The following CBLB variants were observed in gnomAD, a reference collection of about 807,000 sequenced individuals.
CBLB encodes the protein Cbl proto-oncogene B.
CBLB carries 31 observed loss-of-function variants against 104.9 expected under a neutral mutation model. That is an observed-to-expected ratio of 0.30 (90% CI 0.22 to 0.40). The LOEUF (loss-of-function observed/expected upper bound fraction) is 0.40, where lower values mean the gene tolerates loss of function less well. Among genes scored for constraint, CBLB ranks in the 10% least tolerant of loss-of-function variants. The pLI is 1.00. For synonymous variants in CBLB, 440 were observed against 422.6 expected (o/e 1.04, Z -0.51); for missense variants, 1,062 against 1,214.6 (o/e 0.87, Z 1.87).
chr3:105,825,239 A>C (rs1234451336), intron 3 of CBLB, among the ~76,000 whole-genome samples: 1 of 152,176 alleles, frequency 6.6e-6, no homozygotes, highest in Non-Finnish European at 1.5e-5. Context: ...TCTTCAGCTA[A>C]TGCCATATCA....
chr3:105,674,691 T>C (rs2065412816), intron 17 of CBLB, among the ~76,000 whole-genome samples: 1 of 152,218 alleles, frequency 6.6e-6, no homozygotes, highest in Non-Finnish European at 1.5e-5. Context: ...TTTTGTAATA[T>C]GGAAAAAAGC....
At chr3:105,720,843 C>G (rs1261978428) in intron 9 of CBLB, among the ~76,000 whole-genome samples, 1 of 152,158 alleles carries the variant, frequency 6.6e-6, no homozygotes, top group African/African-American at 2.4e-5. Flanking sequence ...ACACACAGCT[C>G]AAATATAAAG....
intron 2 of CBLB, among the ~76,000 whole-genome samples, chr3:105,867,158 TA>T (rs2092472020): frequency 6.6e-6 from 1 of 152,100 alleles, no homozygotes; most frequent in Non-Finnish European, 1.5e-5. Context: ...CAGCCAATGG[TA>T]AAACTTTACA....
At chr3:105,774,408 A>C (rs2079221977) in intron 4 of CBLB, among the ~76,000 whole-genome samples, 1 of 152,364 alleles carries the variant, frequency 6.6e-6, no homozygotes, top group East Asian at 1.9e-4. Context: ...CAATTATCTA[A>C]TAAAGGAATA....
chr3:105,839,062 G>A (rs572554453), intron 3 of CBLB, among the ~76,000 whole-genome samples: 3 of 152,298 alleles, frequency 2.0e-5, no homozygotes, highest in East Asian at 3.9e-4. Flanking sequence ...ATACATAAAA[G>A]GAGATAATTT....
intron 8 of CBLB, among the ~76,000 whole-genome samples, chr3:105,736,136 T>G (rs1324670938): frequency 6.6e-6 from 1 of 152,168 alleles, no homozygotes; most frequent in Non-Finnish European, 1.5e-5. Context: ...CCTTAGATTT[T>G]TATTACTTAT....
intron 18 of CBLB, among the ~76,000 whole-genome samples, chr3:105,663,203 C>T (rs2063998239): frequency 2.0e-5 from 3 of 152,164 alleles, no homozygotes; most frequent in Non-Finnish European, 4.4e-5. Flanking sequence ...GTCATTACAA[C>T]AGTTACTTCT....
At chr3:105,818,699 G>A (rs561195811) in intron 3 of CBLB, among the ~76,000 whole-genome samples, 79 of 152,060 alleles carry the variant, frequency 5.2e-4, no homozygotes, top group African/African-American at 1.5e-3. Flanking sequence ...AAGAGAAACC[G>A]CAAAAATTCT....
At chr3:105,748,148 A>G (rs1416555755) in intron 5 of CBLB, among the ~76,000 whole-genome samples, 1 of 152,134 alleles carries the variant, frequency 6.6e-6, no homozygotes, top group Non-Finnish European at 1.5e-5. Flanking sequence ...AGATTGAAGA[A>G]ATTTTTTTGT....
intron 1 of CBLB, chr3:105,868,170 T>C: frequency 8.2e-7 from 1 of 1,223,068 alleles, no homozygotes; most frequent in Non-Finnish European, 1.0e-6. Context: ...CACGAACACC[T>C]TTCTTTAAAT....
intron 7 of CBLB, among the ~76,000 whole-genome samples, chr3:105,740,025 C>T (rs2075366426): frequency 6.6e-6 from 1 of 152,178 alleles, no homozygotes; most frequent in African/African-American, 2.4e-5. Flanking sequence ...ATCCCTTGAA[C>T]CCAGGAGGCG....
chr3:105,763,555 C>T (rs538326068), intron 4 of CBLB, among the ~76,000 whole-genome samples: 1 of 152,322 alleles, frequency 6.6e-6, no homozygotes, highest in African/African-American at 2.4e-5. Flanking sequence ...AAGTGCCTTT[C>T]GCCTTCCACC....
chr3:105,672,159 T>C (rs1379820759), intron 17 of CBLB: 2 of 192,004 alleles, frequency 1.0e-5, no homozygotes, highest in Non-Finnish European at 2.2e-5. Flanking sequence ...GTTTGTCAAA[T>C]ACACTTAATG....
In CBLB at chr3:105,666,250, GA is replaced by G. The variant is rs2064444488; in HGVS notation, c.2689+3982del. Among the ~76,000 whole-genome samples the G allele has an allele frequency of 2.0e-5, 3 of 151,892 alleles. No individual in the cohort carries two copies. The South Asian group carries it at 6.2e-4, about 31-fold the overall frequency. On this transcript the variant is annotated intron_variant, in intron 18 of 18. Coordinates refer to ENST00000394030, the MANE Select transcript of CBLB (RefSeq NM_170662.5). ...CTCAACTATAACAATAACAGAATTA[GA>G]AAAAAATATAAATACACTTAATTGA... is the stretch of plus-strand genomic sequence containing the variant.
rs1266929586 is a variant in CBLB at position 105,658,645 on chromosome 3, C to CG, written c.*324_*325insC. The CG allele has an allele frequency of 2.5e-6, 1 of 406,220 alleles. No individual in the cohort carries two copies. The highest frequency in any genetic ancestry group is 2.0e-5 in the African/African-American group (1 of 50,956). The allele number at this position is 406,220 out of a possible 1,614,324, so 25.2% of individuals were successfully genotyped here. A position where few individuals can be genotyped will look rare whatever the true frequency, so the allele number is the denominator to read the frequency against. ...CACCAAAACAAAACTAAACTAAAAACAAGAACAAACTGCAACTTTGCCAAA... is the reference window on the plus strand; with the variant it reads ...CACCAAAACAAAACTAAACTAAAAACGAAGAACAAACTGCAACTTTGCCAAA... On this transcript the variant is annotated 3_prime_UTR_variant, in exon 19 of 19. Transcript: ENST00000394030.
intron 18 of CBLB, among the ~76,000 whole-genome samples, chr3:105,667,318 A>C (rs2064575964): frequency 6.6e-6 from 1 of 152,158 alleles, no homozygotes; most frequent in African/African-American, 2.4e-5. Context: ...GTTTTCAAAG[A>C]ATGGTATTCA....
At chr3:105,805,246 G>A (rs1402106035) in intron 3 of CBLB, among the ~76,000 whole-genome samples, 1 of 151,688 alleles carries the variant, frequency 6.6e-6, no homozygotes, top group East Asian at 1.9e-4. Context: ...CAGGCCAAAC[G>A]AGAAAATCCC....
At chr3:105,710,073 T>C (rs2070835705) in intron 10 of CBLB, among the ~76,000 whole-genome samples, 2 of 151,968 alleles carry the variant, frequency 1.3e-5, no homozygotes, top group African/African-American at 4.8e-5. Context: ...TATCCACTAA[T>C]TTCCTCTTTG....
Position 105,801,371 on chromosome 3 carries a change from A to G in CBLB, c.420-24829T>C, listed in dbSNP as rs192973490. ...TTTTAATGAGAAAAGCATATTTTTA[A>G]TATTTTAATGTATTACAGATTATTT... On this transcript the variant is annotated intron_variant, in intron 3 of 18. Transcript: ENST00000394030. Among the ~76,000 whole-genome samples the G allele has an allele frequency of 3.9e-5, 6 of 152,344 alleles. No individual in the cohort carries two copies. The East Asian group carries it at 1.2e-3, about 29-fold the overall frequency.
Sources: allele counts gnomAD v4.1 joint callset (sites outside exome capture counted in the v4.1 genomes callset), GRCh38; gene constraint gnomAD v4.1.1; transcripts MANE v1.5; gene names NCBI Gene and HGNC (gene_info 2026-07-23, HGNC 2026-07-21).